The following SAMD5 variants were observed in gnomAD, a reference collection of about 807,000 sequenced individuals.
SAMD5 encodes sterile alpha motif domain containing 5, also known as sterile alpha motif domain-containing protein 5.
Under a neutral mutation model 11.3 loss-of-function variants are expected in SAMD5, and 13 were observed. The ratio of observed to expected loss-of-function variants is 1.15; its 90% CI spans 0.75 to 1.83. SAMD5 has a LOEUF of 1.83. Among genes scored for constraint, SAMD5 ranks in the 40% most tolerant of loss-of-function variants. The probability of loss-of-function intolerance (pLI) is 0.00; values close to 1 mark genes in which losing one functional copy is unlikely to be tolerated. For missense variants in SAMD5, 255 were observed against 239.1 expected (o/e 1.07, Z -0.44); for synonymous variants, 129 against 111.3 (o/e 1.16, Z -1.00).
chr6:147,738,302 G>A (rs1288745403), downstream of SAMD5, among the ~76,000 whole-genome samples: 1 of 152,196 alleles, frequency 6.6e-6, no homozygotes, highest in Non-Finnish European at 1.5e-5. Flanking sequence ...CCGGAGAGTG[G>A]TGAGCTAACT....
At chr6:147,800,781 A>G in the SAMD5 span, among the ~76,000 whole-genome samples, 16 of 152,224 alleles carry the variant, frequency 1.1e-4, no homozygotes, top group Admixed American at 5.2e-4. Flanking sequence ...TCAAATCCAT[A>G]AATAATGTTT....
At chr6:147,702,896 G>A (rs576937274) in intron 1 of SAMD5, among the ~76,000 whole-genome samples, 19 of 152,126 alleles carry the variant, frequency 1.2e-4, no homozygotes, top group Admixed American at 4.6e-4. Context: ...ATCTTGAATT[G>A]TATTTGATAA....
At chr6:147,903,265 A>AT in the SAMD5 span, among the ~76,000 whole-genome samples, 1 of 152,242 alleles carries the variant, frequency 6.6e-6, no homozygotes, top group African/African-American at 2.4e-5. Flanking sequence ...CCTGGCCCTC[A>AT]TTATATGGAT....
chr6:147,725,433 G>A (rs1435559244), intron 1 of SAMD5, among the ~76,000 whole-genome samples: 2 of 147,328 alleles, frequency 1.4e-5, no homozygotes, highest in Non-Finnish European at 1.5e-5. Context: ...CTGTCACCCA[G>A]GTTATAGTAC....
At chr6:147,603,818 A>G (rs1375386789) in intron 1 of SAMD5, among the ~76,000 whole-genome samples, 1 of 152,138 alleles carries the variant, frequency 6.6e-6, no homozygotes, top group African/African-American at 2.4e-5. Context: ...AACAAAAAAC[A>G]AGCTATCTTC....
chr6:147,899,189 A>AAAAAAAAAAAAG, the SAMD5 span, among the ~76,000 whole-genome samples: 370 of 123,336 alleles, frequency 3.0e-3, 42 homozygotes, highest in African/African-American at 0.01. Flanking sequence ...AAAAAAAAAA[A>AAAAAAAAAAAAG]AAAAGATAAC....
Position 147,569,814 on chromosome 6 carries a change from T to C in SAMD5, c.*5358T>C, listed in dbSNP as rs755023503. 3.5e-5 allele frequency: 34 copies of C among 985,178 alleles called. No individual in the cohort carries two copies. The highest frequency in any genetic ancestry group is 1.0e-3 in the Middle Eastern group (2 of 1,936). The allele number at this position is 985,178 out of a possible 1,614,324, so 61.0% of individuals were successfully genotyped here. A position where few individuals can be genotyped will look rare whatever the true frequency, so the allele number is the denominator to read the frequency against. On this transcript the variant is annotated 3_prime_UTR_variant, in exon 2 of 2. Coordinates refer to ENST00000367474, the MANE Select transcript of SAMD5 (RefSeq NM_001030060.3). ...TAGCGAAGCACAGATTCACTCTAAT[T>C]GAAAGCAGCAGTTTGGTTTTGTAAA...
the SAMD5 span, among the ~76,000 whole-genome samples, chr6:147,770,956 T>G: frequency 1.3e-5 from 2 of 152,226 alleles, no homozygotes; most frequent in Non-Finnish European, 2.9e-5. Flanking sequence ...CTATAAATCC[T>G]CAGGCATTTG....
the SAMD5 span, among the ~76,000 whole-genome samples, chr6:147,934,045 C>T: frequency 6.6e-6 from 1 of 152,164 alleles, no homozygotes; most frequent in Non-Finnish European, 1.5e-5. Context: ...AAAATATATC[C>T]TATAATGAGG....
intron 1 of SAMD5, among the ~76,000 whole-genome samples, chr6:147,632,673 G>T (rs1310854636): frequency 1.3e-5 from 2 of 152,126 alleles, no homozygotes; most frequent in Admixed American, 6.6e-5. Context: ...TAAGAATTTC[G>T]ACCACACAGT....
At chr6:147,638,786 T>G (rs1412640420) in intron 1 of SAMD5, among the ~76,000 whole-genome samples, 2 of 152,232 alleles carry the variant, frequency 1.3e-5, no homozygotes, top group East Asian at 3.8e-4. Flanking sequence ...ATTTTCTGTT[T>G]TACATGATGA....
At chr6:147,817,937 A>T in the SAMD5 span, among the ~76,000 whole-genome samples, 1 of 152,234 alleles carries the variant, frequency 6.6e-6, no homozygotes, top group Non-Finnish European at 1.5e-5. Flanking sequence ...ACTATGCCAG[A>T]AAGGTTGGTT....
At chr6:147,870,478 GTGTGTA>G in the SAMD5 span, among the ~76,000 whole-genome samples, 163 of 136,176 alleles carry the variant, frequency 1.2e-3, no homozygotes, top group African/African-American at 4.0e-3. Context: ...GTGTGTGTGT[GTGTGTA>G]TATATATATG....
chr6:147,742,984 G>A, the SAMD5 span, among the ~76,000 whole-genome samples: 1 of 152,126 alleles, frequency 6.6e-6, no homozygotes, highest in Non-Finnish European at 1.5e-5. Flanking sequence ...GAAGGTGATT[G>A]TTCTCTAAAT....
intron 1 of SAMD5, among the ~76,000 whole-genome samples, chr6:147,727,084 T>C (rs1350902658): frequency 6.6e-6 from 1 of 152,186 alleles, no homozygotes; most frequent in Non-Finnish European, 1.5e-5. Context: ...ACAAAGTCCT[T>C]AATGGAGTAT....
intron 1 of SAMD5, among the ~76,000 whole-genome samples, chr6:147,556,950 G>A (rs117310875): frequency 0.012 from 1,899 of 152,086 alleles, 21 homozygotes; most frequent in Middle Eastern, 0.024. Context: ...ATAAACCAGC[G>A]GATATTTTGA....
the SAMD5 span, among the ~76,000 whole-genome samples, chr6:147,867,370 T>C: frequency 6.6e-6 from 1 of 151,644 alleles, no homozygotes; most frequent in African/African-American, 2.4e-5. Flanking sequence ...GAGAAAGATA[T>C]CTTCGGACTT....
the SAMD5 span, among the ~76,000 whole-genome samples, chr6:147,939,401 C>A: frequency 3.3e-5 from 5 of 152,092 alleles, no homozygotes; most frequent in African/African-American, 1.2e-4. Flanking sequence ...AAACTTCCAA[C>A]CCTTTAATCA....
intron 1 of SAMD5, among the ~76,000 whole-genome samples, chr6:147,609,689 T>C (rs934339980): frequency 1.3e-4 from 20 of 152,222 alleles, no homozygotes; most frequent in African/African-American, 4.8e-4. Flanking sequence ...CCTGAGTAGC[T>C]GGGATTACAG....
Sources: allele counts gnomAD v4.1 joint callset (sites outside exome capture counted in the v4.1 genomes callset), GRCh38; gene constraint gnomAD v4.1.1; transcripts MANE v1.5; gene names NCBI Gene and HGNC (gene_info 2026-07-23, HGNC 2026-07-21).